GLDC: variants seen among roughly 807,000 people sequenced by gnomAD.
The protein encoded by GLDC is glycine decarboxylase.
A neutral mutation model predicts 121.3 loss-of-function variants in GLDC; 104 were observed. The ratio of observed to expected loss-of-function variants is 0.86; its 90% confidence interval spans 0.73 to 1.01. The LOEUF (loss-of-function observed/expected upper bound fraction) is 1.01. GLDC is among the 50% of genes least tolerant of loss of function. GLDC has a pLI of 0.00. For synonymous variants in GLDC, 546 were observed against 480.6 expected (o/e 1.14, Z -1.78); for missense variants, 1,429 against 1,306.6 (o/e 1.09, Z -1.44).
rs531624033 is a variant in GLDC, at chr9:6,643,808, C to T, written c.334+806G>A. On this transcript the variant is annotated intron_variant, in intron 2 of 24. Transcript: ENST00000321612. The stretch of plus-strand genomic sequence containing the variant: ...CAGCATTTTGGGAGGCCGAGGCAGA[C>T]GGATTGCCTGAGGTCAGGAGTTCGA... Among the ~76,000 whole-genome samples, 3 of 151,726 alleles carry T rather than the reference C, an allele frequency of 2.0e-5. No homozygotes were observed. In the East Asian group the frequency reaches 5.8e-4, roughly 29 times the overall value.
At chr9:6,555,126 T>G (rs892173433) in intron 18 of GLDC, among the ~76,000 whole-genome samples, 3 of 152,220 alleles carry the variant, frequency 2.0e-5, no homozygotes, top group African/African-American at 7.2e-5. Context: ...ACCTCCATGT[T>G]GTTGAAATAG....
At position 6,540,079 on chromosome 9, in the gene GLDC, C is replaced by G; in HGVS notation, c.2637G>C (p.Val879=). ...AATCCTGGAGTCTCTTGGCCACATCCACAGCCTCAATATTTGCAGACTTTT... is the reference window on the plus strand; with the variant it reads ...AATCCTGGAGTCTCTTGGCCACATCGACAGCCTCAATATTTGCAGACTTTT... ...PFKKSANIEA[V]DVAKRLQDYG... The change falls in exon 22 of 25, where the codon GTG becomes GTC. Residue 879 remains valine, a synonymous_variant. Coordinates refer to ENST00000321612, the MANE Select transcript of GLDC (RefSeq NM_000170.3). 6.2e-7 allele frequency: 1 copy of G among 1,612,756 alleles called. No homozygotes were observed. The highest frequency in any genetic ancestry group is 1.7e-5 in the Admixed American group (1 of 60,016).
At chr9:6,593,119 T>C in intron 9 of GLDC, 129 bp from the exon 10 acceptor site, 1 of 912,854 alleles carries the variant, frequency 1.1e-6, no homozygotes, top group Non-Finnish European at 1.8e-6. Context: ...CTTTGGTGAT[T>C]GCTTTTTAAA....
intron 23 of GLDC, 58 bp downstream of exon 23, chr9:6,536,006 C>G (rs1262651402): frequency 2.1e-6 from 3 of 1,413,520 alleles, no homozygotes; most frequent in African/African-American, 2.8e-5. Flanking sequence ...GGTACACTGT[C>G]CAGACATCAT....
At chr9:6,539,409 G>A (rs1249112860) in intron 22 of GLDC, among the ~76,000 whole-genome samples, 1 of 152,138 alleles carries the variant, frequency 6.6e-6, no homozygotes, top group African/African-American at 2.4e-5. Context: ...AACCCAGGAG[G>A]TGGAGGTTGC....
chr9:6,536,026 T>G, intron 23 of GLDC, 38 bp downstream of exon 23: 1 of 1,567,422 alleles, frequency 6.4e-7, no homozygotes, highest in Non-Finnish European at 8.8e-7. Flanking sequence ...TTTTCTAGTT[T>G]AAGGAACATT....
intron 2 of GLDC, among the ~76,000 whole-genome samples, chr9:6,624,843 C>G (rs1351027316): frequency 2.0e-5 from 3 of 152,056 alleles, no homozygotes; most frequent in African/African-American, 7.2e-5. Context: ...CAAAAATTAG[C>G]TGGGCCTGGT....
In GLDC at chr9:6,605,220, C is replaced by A. The variant is rs369719863; in HGVS notation, c.772G>T (p.Asp258Tyr). Reference sequence around the variant, plus strand: ...TACTGGAACAACACTCCACTGACATCTTTTCCACTGAAGTCCATTTCACAG... The same window carrying A: ...TACTGGAACAACACTCCACTGACATATTTTCCACTGAAGTCCATTTCACAG... ...LPCEMDFSGK[D>Y]VSGVLFQYPD... The change falls in exon 6 of 25, where the codon GAT becomes TAT. Residue 258 changes from aspartate to tyrosine, a missense_variant. By Grantham distance (160) the Asp-to-Tyr change is radical (BLOSUM62 -3). Transcript: ENST00000321612. The A allele has an allele frequency of 1.7e-5, 27 of 1,613,630 alleles. No homozygotes were observed. The highest frequency in any genetic ancestry group is 2.7e-5 in the African/African-American group (2 of 74,932).
At chr9:6,620,465 G>C (rs779072878) in intron 2 of GLDC, 146 bp from the exon 3 acceptor site, 5 of 700,080 alleles carry the variant, frequency 7.1e-6, no homozygotes, top group Admixed American at 2.2e-5. Flanking sequence ...CCAACACTAA[G>C]TACTGTATGC....
At chr9:6,611,319 A>T (rs1359013370) in intron 3 of GLDC, among the ~76,000 whole-genome samples, 1 of 152,174 alleles carries the variant, frequency 6.6e-6, no homozygotes, top group Non-Finnish European at 1.5e-5. Flanking sequence ...TTTACTTGGG[A>T]GGTCAAGGCG....
intron 15 of GLDC, among the ~76,000 whole-genome samples, chr9:6,584,852 A>C (rs1031526857): frequency 2.6e-5 from 4 of 152,202 alleles, no homozygotes; most frequent in Non-Finnish European, 4.4e-5. Flanking sequence ...CATGATGAAG[A>C]TCTCTTACCC....
intron 15 of GLDC, among the ~76,000 whole-genome samples, chr9:6,584,843 A>G (rs1929930): frequency 0.54 from 81,649 of 152,070 alleles, 22,420 homozygotes; most frequent in African/African-American, 0.58. Context: ...GAACGACATC[A>G]TGATGAAGAT....
At chr9:6,584,148 G>C (rs563821443) in intron 15 of GLDC, among the ~76,000 whole-genome samples, 65 of 152,296 alleles carry the variant, frequency 4.3e-4, no homozygotes, top group Middle Eastern at 3.4e-3. Flanking sequence ...GAAAGGGAAA[G>C]GAAACATTCA....
chr9:6,570,516 T>C (rs964378639), intron 15 of GLDC, among the ~76,000 whole-genome samples: 20 of 152,224 alleles, frequency 1.3e-4, no homozygotes, highest in Non-Finnish European at 2.5e-4. Flanking sequence ...TTGAAGTTAT[T>C]TATAAGCAGT....
chr9:6,614,112 A>C (rs7034327), intron 3 of GLDC, among the ~76,000 whole-genome samples: 8,167 of 152,196 alleles, frequency 0.054, 708 homozygotes, highest in African/African-American at 0.18. Flanking sequence ...AGGCTCCCAG[A>C]GCATAGTACC....
rs141322616 is a variant in GLDC at position 6,571,254 on chromosome 9, A to C, written c.1851-5825T>G. Among the ~76,000 whole-genome samples, 384 of 152,288 alleles carry C rather than the reference A, an allele frequency of 2.5e-3. 3 individuals carry two copies. The highest frequency in any genetic ancestry group is 8.8e-3 in the African/African-American group (365 of 41,564). On this transcript the variant is annotated intron_variant, in intron 15 of 24. Coordinates refer to ENST00000321612, the MANE Select transcript of GLDC (RefSeq NM_000170.3). ...ACAGTAGCCCCCTCTTATCTGCAGG[A>C]AATATCTTCCGGGACACCCAGTGGG...
chr9:6,538,496 T>C (rs1293144373), intron 22 of GLDC, among the ~76,000 whole-genome samples: 1 of 152,226 alleles, frequency 6.6e-6, no homozygotes, highest in Non-Finnish European at 1.5e-5. Context: ...GGAAACTGTG[T>C]TGTCATGTTC....
chr9:6,629,456 C>G (rs967946693), intron 2 of GLDC, among the ~76,000 whole-genome samples: 3 of 152,064 alleles, frequency 2.0e-5, no homozygotes, highest in Non-Finnish European at 4.4e-5. Flanking sequence ...CTCAGGTGAT[C>G]TGCCTGCCTC....
chr9:6,577,797 C>T (rs1225775614), intron 15 of GLDC, among the ~76,000 whole-genome samples: 3 of 150,926 alleles, frequency 2.0e-5, no homozygotes, highest in East Asian at 3.9e-4. Flanking sequence ...TCTCCTGCTC[C>T]CCATCTCTAC....
Sources: allele counts gnomAD v4.1 joint callset (sites outside exome capture counted in the v4.1 genomes callset), GRCh38; gene constraint gnomAD v4.1.1; transcripts MANE v1.5; gene names NCBI Gene and HGNC (gene_info 2026-07-23, HGNC 2026-07-21).